Variants in GALNTL6 observed in about 807,000 individuals in gnomAD.
GALNTL6 encodes polypeptide N-acetylgalactosaminyltransferase-like 6.
In GALNTL6, 46 loss-of-function variants were observed where a neutral mutation model predicts 73.7. That is an observed-to-expected ratio of 0.62 (90% CI 0.49 to 0.80). The LOEUF (loss-of-function observed/expected upper bound fraction) is 0.80, where lower values mean the gene tolerates loss of function less well. Ranked by LOEUF, GALNTL6 falls within the 30% of genes least tolerant of loss-of-function variation. GALNTL6 has a pLI of 0.00. For missense variants in GALNTL6, 604 were observed against 755.0 expected, an observed-to-expected ratio of 0.80 and a Z score of 2.34; for synonymous variants, 259 against 263.7, an observed-to-expected ratio of 0.98 and a Z score of 0.17.
intron 5 of GALNTL6, among the ~76,000 whole-genome samples, chr4:172,454,135 A>G (rs1430541992): frequency 6.6e-6 from 1 of 152,202 alleles, no homozygotes; most frequent in Non-Finnish European, 1.5e-5. Flanking sequence ...AATGAATCCC[A>G]TAAAAAAAAT....
chr4:172,823,127 C>T (rs575760833), intron 7 of GALNTL6, among the ~76,000 whole-genome samples: 4 of 152,290 alleles, frequency 2.6e-5, no homozygotes, highest in Admixed American at 6.5e-5. Flanking sequence ...ATTGACTCTG[C>T]CCCAATAACA....
chr4:173,026,477 CAGTGACA>C lies in GALNTL6; in HGVS notation c.1638+4853_1638+4859del, dbSNP rs1335854067. 2.6e-5 allele frequency among the ~76,000 whole-genome samples: 4 copies of C among 152,218 alleles called. No individual in the cohort carries two copies. In the East Asian group the frequency reaches 5.8e-4, roughly 22 times the overall value. On this transcript the variant is annotated intron_variant, in intron 12 of 12. Transcript: ENST00000506823. ...GAGAAAGTCCTTAAGCAGAGAGATG[CAGTGACA>C]TCCGGGCCAGCATGCACTGAAATGG...
At chr4:172,651,917 A>G (rs1377639653) in intron 5 of GALNTL6, among the ~76,000 whole-genome samples, 1 of 152,220 alleles carries the variant, frequency 6.6e-6, no homozygotes, top group Non-Finnish European at 1.5e-5. Flanking sequence ...TCATACCACC[A>G]TTATGTTCCC....
intron 2 of GALNTL6, among the ~76,000 whole-genome samples, chr4:171,906,441 C>T (rs1397401375): frequency 6.6e-6 from 1 of 151,518 alleles, no homozygotes. Context: ...AAGACTAAAC[C>T]AGGAAGAAGT....
At chr4:171,948,945 C>T (rs1578998267) in intron 2 of GALNTL6, among the ~76,000 whole-genome samples, 2 of 139,904 alleles carry the variant, frequency 1.4e-5, no homozygotes, top group Admixed American at 7.8e-5. Flanking sequence ...ATGACAGACT[C>T]GCAAGCCATA....
chr4:172,548,708 G>C (rs574862703), intron 5 of GALNTL6, among the ~76,000 whole-genome samples: 63 of 152,218 alleles, frequency 4.1e-4, no homozygotes, highest in African/African-American at 1.4e-3. Flanking sequence ...CAAATGTAAA[G>C]AGCAACTAAT....
Position 171,955,403 on chromosome 4 carries a change from C to T in GALNTL6, c.138+140685C>T, listed in dbSNP as rs887050434. 3.3e-5 allele frequency among the ~76,000 whole-genome samples: 5 copies of T among 151,574 alleles called. No individual in the cohort carries two copies. The South Asian group carries it at 8.3e-4, about 25-fold the overall frequency. ...CTATCTATATATATATATGTTTACA[C>T]ACACACATACAGTTGACCCCCGATA... On this transcript the variant is annotated intron_variant, in intron 2 of 12. Coordinates refer to ENST00000506823, the MANE Select transcript of GALNTL6 (RefSeq NM_001034845.3).
At chr4:172,525,426 T>G (rs1469869924) in intron 5 of GALNTL6, among the ~76,000 whole-genome samples, 1 of 152,202 alleles carries the variant, frequency 6.6e-6, no homozygotes, top group African/African-American at 2.4e-5. Flanking sequence ...GTTCTTGTAC[T>G]TCTTTTGCTG....
intron 3 of GALNTL6, among the ~76,000 whole-genome samples, chr4:172,280,878 C>A (rs1226141371): frequency 8.5e-5 from 13 of 152,114 alleles, no homozygotes; most frequent in African/African-American, 3.1e-4. Flanking sequence ...AATGCAAATT[C>A]TGGCCCGCAC....
intron 2 of GALNTL6, among the ~76,000 whole-genome samples, chr4:172,178,679 A>C (rs1360631096): frequency 7.3e-6 from 1 of 137,350 alleles, no homozygotes; most frequent in African/African-American, 2.8e-5. Flanking sequence ...TTATACTTTA[A>C]GTTTTAGGGT....
At position 172,340,841 on chromosome 4, in the gene GALNTL6, A is replaced by T. The variant is rs192888400; in HGVS notation, c.387-7682A>T. Among the ~76,000 whole-genome samples the T allele has an allele frequency of 2.5e-3, 384 of 152,302 alleles. 2 individuals are homozygous for T. The highest frequency in any genetic ancestry group is 8.7e-3 in the African/African-American group (363 of 41,552). On this transcript the variant is annotated intron_variant, in intron 4 of 12. Coordinates refer to ENST00000506823, the MANE Select transcript of GALNTL6 (RefSeq NM_001034845.3). ...TTCCTCTAATCCATTCTTGGGTTTTATTCTCCAGATAAGGGTTGTTCCTTT... is the reference window on the plus strand; with the variant it reads ...TTCCTCTAATCCATTCTTGGGTTTTTTTCTCCAGATAAGGGTTGTTCCTTT...
chr4:172,091,931 A>C (rs911934532), intron 2 of GALNTL6, among the ~76,000 whole-genome samples: 35 of 152,180 alleles, frequency 2.3e-4, no homozygotes, highest in Non-Finnish European at 8.8e-5. Flanking sequence ...CATTTCATTA[A>C]TTATTGTTTT....
chr4:171,835,149 A>G (rs1435453823), intron 2 of GALNTL6, among the ~76,000 whole-genome samples: 5 of 152,068 alleles, frequency 3.3e-5, no homozygotes, highest in Non-Finnish European at 7.4e-5. Flanking sequence ...ATGAGGTCAT[A>G]AGCACATTTT....
intron 5 of GALNTL6, among the ~76,000 whole-genome samples, chr4:172,734,908 G>T (rs1736368314): frequency 6.6e-6 from 1 of 152,212 alleles, no homozygotes; most frequent in African/African-American, 2.4e-5. Context: ...CTTCCGCATG[G>T]TGTTTGTCCT....
chr4:172,015,670 G>C (rs1361723586), intron 2 of GALNTL6, among the ~76,000 whole-genome samples: 1 of 151,864 alleles, frequency 6.6e-6, no homozygotes, highest in African/African-American at 2.4e-5. Context: ...TCCTATTTTG[G>C]TATATTTCAA....
intron 2 of GALNTL6, among the ~76,000 whole-genome samples, chr4:172,088,992 G>A (rs375611115): frequency 5.0e-4 from 76 of 152,116 alleles, no homozygotes; most frequent in Non-Finnish European, 7.9e-4. Context: ...ATCAAGTGGC[G>A]TGAGACCTGC....
intron 10 of GALNTL6, among the ~76,000 whole-genome samples, chr4:172,988,543 G>A (rs1437109944): frequency 6.6e-6 from 1 of 152,184 alleles, no homozygotes; most frequent in South Asian, 2.1e-4. Flanking sequence ...TTTCATGGGA[G>A]GAATATGCCT....
intron 2 of GALNTL6, among the ~76,000 whole-genome samples, chr4:171,922,742 G>C (rs1295843662): frequency 6.6e-6 from 1 of 151,848 alleles, no homozygotes; most frequent in Non-Finnish European, 1.5e-5. Flanking sequence ...ATTTAATATT[G>C]TTTTTATAAC....
chr4:172,416,699 A>AT (rs1311137010), intron 5 of GALNTL6, among the ~76,000 whole-genome samples: 1 of 152,120 alleles, frequency 6.6e-6, no homozygotes, highest in African/African-American at 2.4e-5. Flanking sequence ...TGGAATGAAC[A>AT]TTTTTTCCTG....
Sources: allele counts gnomAD v4.1 joint callset (sites outside exome capture counted in the v4.1 genomes callset), GRCh38; gene constraint gnomAD v4.1.1; transcripts MANE v1.5; gene names NCBI Gene and HGNC (gene_info 2026-07-23, HGNC 2026-07-21).